The following SQLE variants were observed in gnomAD, a reference collection of about 807,000 sequenced individuals.
SQLE encodes squalene epoxidase, also known as squalene monooxygenase.
A neutral mutation model predicts 60.7 loss-of-function variants in SQLE; 29 were observed. The observed-to-expected ratio is 0.48, with a 90% confidence interval of 0.36 to 0.65. SQLE has a LOEUF of 0.65. SQLE is among the 30% of genes least tolerant of loss of function. The pLI is 0.00. For synonymous variants in SQLE, 237 were observed against 246.8 expected (o/e 0.96, Z 0.37); for missense variants, 605 against 684.1 (o/e 0.88, Z 1.29).
chr8:124,999,487 C>A lies in SQLE; in HGVS notation c.84C>A (p.Val28=). ...GDFITLANRE[V]LLCVLVFLSL... is the part of the protein sequence containing the mutation. ...TCATCACTTTGGCCAACAGGGAGGT[C>A]CTGTTGTGCGTGCTGGTGTTCCTCT... The change falls in exon 1 of 11, where the codon GTC becomes GTA. Residue 28 remains valine (V), a synonymous_variant. Transcript: ENST00000265896. The A allele has an allele frequency of 6.2e-7, 1 of 1,601,716 alleles. No homozygotes were observed. The highest frequency in any genetic ancestry group is 8.5e-7 in the Non-Finnish European group (1 of 1,173,768).
chr8:124,999,601 C>T lies in SQLE; in HGVS notation c.198C>T (p.Phe66=). ...RQQSGSQFAL[F]SDILSGLPFI... ...AGAGCGGCTCCCAGTTCGCCCTCTT[C>T]TCGGATATTCTCTCAGGCCTGCCTT... Residue 66 remains phenylalanine, a synonymous_variant, in exon 1 of 11, where the codon TTC becomes TTT. Coordinates refer to ENST00000265896, the MANE Select transcript of SQLE (RefSeq NM_003129.4). 1 of 1,613,650 alleles carries T rather than the reference C, an allele frequency of 6.2e-7. No individual in the cohort carries two copies. The highest frequency in any genetic ancestry group is 1.1e-5 in the South Asian group (1 of 90,974).
chr8:125,011,471 A>T, intron 6 of SQLE, 66 bp from the exon 7 acceptor site: 1 of 1,310,084 alleles, frequency 7.6e-7, no homozygotes, highest in South Asian at 1.3e-5. Context: ...TTGATAAGAA[A>T]ATATGTGATA....
In SQLE at chr8:124,998,900, T is replaced by G. The variant is rs1814794017; in HGVS notation, c.-504T>G. 1 of 370,106 alleles carries G rather than the reference T, an allele frequency of 2.7e-6. No individual in the cohort carries two copies. Among genetic ancestry groups the G allele is most frequent in the Non-Finnish European group, 4.8e-6 (1 of 207,678 alleles). 22.9% of individuals were successfully genotyped at this position (370,106 alleles called of 1,614,324 possible). On this transcript the variant is annotated 5_prime_UTR_variant, in exon 1 of 11. Transcript: ENST00000265896. ...GCGCCGGCCCGCAGCCCCCGTGCCT[T>G]CCGGCCGCTGCTCGCCGTCGCCAGA... is the stretch of plus-strand genomic sequence containing the variant.
intron 9 of SQLE, 73 bp from the exon 10 acceptor site, chr8:125,020,710 AT>A: frequency 1.1e-6 from 1 of 923,972 alleles, no homozygotes; most frequent in Non-Finnish European, 1.7e-6. Flanking sequence ...GTTATTTCTC[AT>A]TTTTTCTGAT....
chr8:125,000,310 A>T (rs978758070), intron 1 of SQLE, among the ~76,000 whole-genome samples: 1 of 152,196 alleles, frequency 6.6e-6, no homozygotes, highest in Non-Finnish European at 1.5e-5. Context: ...CTGGGAGAAG[A>T]TGAGGGGGAA....
At chr8:125,011,764 CA>C in intron 7 of SQLE, 132 bp downstream of exon 7, 1 of 736,412 alleles carries the variant, frequency 1.4e-6, no homozygotes, top group Non-Finnish European at 2.2e-6. Context: ...TTATTAATAC[CA>C]AAATTAGTTT....
At chr8:125,020,516 T>C (rs1815185849) in intron 9 of SQLE, among the ~76,000 whole-genome samples, 1 of 152,182 alleles carries the variant, frequency 6.6e-6, no homozygotes, top group Non-Finnish European at 1.5e-5. Context: ...AACAGCAAAA[T>C]CAAGGAAGTA....
Position 125,005,704 on chromosome 8 carries a change from A to G in SQLE, c.724A>G (p.Asn242Asp), listed in dbSNP as rs749500611. The G allele has an allele frequency of 5.1e-6, 8 of 1,561,420 alleles. No homozygotes were observed. The highest frequency in any genetic ancestry group is 7.0e-6 in the Non-Finnish European group (8 of 1,146,958). Residue 242 changes from asparagine to aspartate, a missense_variant and splice_region_variant, in exon 3 of 11, where the codon AAT becomes GAT. Physicochemically the swap from Asn to Asp is conservative, Grantham distance 23. Transcript: ENST00000265896. ...SLRKAAMAEP[N>D]AKFIEGVVLQ... ...CCGGAAAGCAGCTATGGCAGAGCCCAAGTAAGACCACAGTTTCAAATATAT... is the reference window on the plus strand; with the variant it reads ...CCGGAAAGCAGCTATGGCAGAGCCCGAGTAAGACCACAGTTTCAAATATAT...
chr8:125,001,141 A>G (rs1814841773), intron 1 of SQLE, among the ~76,000 whole-genome samples: 1 of 152,118 alleles, frequency 6.6e-6, no homozygotes. Flanking sequence ...GAGAATCCTT[A>G]ATGTTTAATT....
chr8:124,999,730 A>T, intron 1 of SQLE, 36 bp downstream of exon 1: 1 of 1,534,254 alleles, frequency 6.5e-7, no homozygotes, highest in East Asian at 2.3e-5. Context: ...TGAATGTCTT[A>T]TTTAGGAGTA....
At chr8:125,006,842 T>C (rs1259891261) in intron 3 of SQLE, among the ~76,000 whole-genome samples, 8 of 151,524 alleles carry the variant, frequency 5.3e-5, no homozygotes, top group South Asian at 2.1e-4. Flanking sequence ...GTAGCTGGGA[T>C]TACAGGCACA....
intron 10 of SQLE, 79 bp from the exon 11 acceptor site, chr8:125,021,674 G>A (rs1362690586): frequency 8.7e-6 from 9 of 1,031,334 alleles, no homozygotes; most frequent in Admixed American, 5.8e-5. Context: ...GTTGAGCTTC[G>A]TAGATTATAT....
rs1406873285 is a variant in SQLE at position 125,021,836 on chromosome 8, C to A, written c.1616C>A (p.Pro539His). 1.9e-6 allele frequency: 3 copies of A among 1,610,428 alleles called. No individual in the cohort carries two copies. The South Asian group carries it at 3.3e-5, about 18-fold the overall frequency. The change falls in exon 11 of 11, where the codon CCT becomes CAT. Residue 539 changes from proline to histidine, a missense_variant. Transcript: ENST00000265896. ...GTGTATTTTTGCTTTAAGTCAGAAC[C>A]TTGGATTACAAAACCTCGAGCCCTT... ...YAVYFCFKSE[P>H]WITKPRALLS...
chr8:125,019,142 TC>T (rs1815159920), intron 9 of SQLE: 1 of 171,688 alleles, frequency 5.8e-6, no homozygotes, highest in African/African-American at 2.4e-5. Flanking sequence ...GTTAATCTTG[TC>T]CCTGTTGAAA....
intron 2 of SQLE, among the ~76,000 whole-genome samples, chr8:125,003,959 A>T (rs1009124499): frequency 5.9e-5 from 9 of 152,136 alleles, no homozygotes; most frequent in Admixed American, 3.3e-4. Context: ...CTTTTTTTCC[A>T]AGGGCACTAA....
chr8:124,999,739 T>TA (rs1814811678), intron 1 of SQLE, 45 bp downstream of exon 1: 2 of 1,519,626 alleles, frequency 1.3e-6, no homozygotes, highest in African/African-American at 2.8e-5. Flanking sequence ...TATTTAGGAG[T>TA]AGGATTGGGT....
In SQLE at chr8:125,018,144, A is replaced by G. The variant is rs186651508; in HGVS notation, c.1290A>G (p.Leu430=). 2 of 1,613,908 alleles carry G rather than the reference A, an allele frequency of 1.2e-6. No individual in the cohort carries two copies. Among genetic ancestry groups the G allele is most frequent in the East Asian group, 2.2e-5 (1 of 44,854 alleles). The part of the protein sequence containing the change: ...GMTVAFKDIK[L]WRKLLKGIPD... The stretch of plus-strand genomic sequence containing the variant: ...CTGTTGCTTTTAAAGATATAAAACT[A>G]TGGAGAAAACTGCTAAAGGGTATCC... The change falls in exon 8 of 11, where the codon CTA becomes CTG. Residue 430 remains leucine, a synonymous_variant. Coordinates refer to ENST00000265896, the MANE Select transcript of SQLE (RefSeq NM_003129.4).
Position 125,016,789 on chromosome 8 carries a change from G to T in SQLE, c.1205-1270G>T, listed in dbSNP as rs1815117679. Among the ~76,000 whole-genome samples the T allele has an allele frequency of 6.6e-6, 1 of 152,138 alleles. No individual in the cohort carries two copies. Among genetic ancestry groups the T allele is most frequent in the African/African-American group, 2.4e-5 (1 of 41,422 alleles). ...GTATTCAAAGGGAAGTGAGTGTTGT[G>T]ATCTAAGTCTTTGGTCATAGCAGCC... On this transcript the variant is annotated intron_variant, in intron 7 of 10. Coordinates refer to ENST00000265896, the MANE Select transcript of SQLE (RefSeq NM_003129.4). The surrounding 1 kb of genome is among the most constrained non-coding windows in gnomAD (Gnocchi z 4.1).
rs774098250 is a variant in SQLE, at chr8:125,003,237, C to T, written c.353C>T (p.Thr118Ile). 5 of 1,613,748 alleles carry T rather than the reference C, an allele frequency of 3.1e-6. No individual in the cohort carries two copies. The highest frequency in any genetic ancestry group is 1.7e-4 in the Middle Eastern group (1 of 6,060). Residue 118 changes from threonine to isoleucine, a missense_variant, in exon 2 of 11, where the codon ACA (threonine) becomes ATA (isoleucine). By Grantham distance (89) the Thr-to-Ile change is moderately conservative. Transcript: ENST00000265896. Reference sequence around the variant, plus strand: ...ATAGGAACAGCTGCCTGTACATCAACATCTTCTCAGAATGACCCAGAAGTT... The same window carrying T: ...ATAGGAACAGCTGCCTGTACATCAATATCTTCTCAGAATGACCCAGAAGTT... ...SLIGTAACTS[T>I]SSQNDPEVII...
Sources: allele counts gnomAD v4.1 joint callset (sites outside exome capture counted in the v4.1 genomes callset), GRCh38; gene constraint gnomAD v4.1.1; non-coding constraint Gnocchi (gnomAD v3.1); transcripts MANE v1.5; gene names NCBI Gene and HGNC (gene_info 2026-07-23, HGNC 2026-07-21).